Variants in PAK1 observed in about 807,000 individuals in gnomAD.
PAK1 encodes the protein serine/threonine-protein kinase PAK 1.
Under a neutral mutation model 67.4 loss-of-function variants are expected in PAK1, and 29 were observed. The observed-to-expected ratio is 0.43, with a 90% CI of 0.32 to 0.59. PAK1 has a LOEUF of 0.59. Among genes scored for constraint, PAK1 ranks in the 20% least tolerant of loss-of-function variants. The pLI is 0.07. For missense variants in PAK1, 337 were observed against 670.7 expected (o/e 0.50, Z 5.50); for synonymous variants, 223 against 237.4 (o/e 0.94, Z 0.56).
At chr11:77,416,549 C>T (rs1954963283) in intron 1 of PAK1, among the ~76,000 whole-genome samples, 1 of 152,150 alleles carries the variant, frequency 6.6e-6, no homozygotes, top group Admixed American at 6.5e-5. Context: ...GGCTGTTTTA[C>T]AGTTAACTTT....
At chr11:77,489,756 T>C in the PAK1 span, among the ~76,000 whole-genome samples, 1 of 151,684 alleles carries the variant, frequency 6.6e-6, no homozygotes, top group Non-Finnish European at 1.5e-5. Context: ...CAGTGCTCAA[T>C]GGTGCCCAGG....
At chr11:77,430,810 T>C (rs569409839) in intron 1 of PAK1, among the ~76,000 whole-genome samples, 3 of 152,228 alleles carry the variant, frequency 2.0e-5, no homozygotes, top group Admixed American at 1.3e-4. Context: ...AGAAACACAG[T>C]AGGAGCCTAA....
At chr11:77,404,504 T>G (rs1157699550) in intron 1 of PAK1, among the ~76,000 whole-genome samples, 3 of 152,100 alleles carry the variant, frequency 2.0e-5, no homozygotes, top group African/African-American at 7.2e-5. Flanking sequence ...TGACCTCAGG[T>G]GATCCACCCA....
At chr11:77,408,941 C>T (rs1954073337) in intron 1 of PAK1, among the ~76,000 whole-genome samples, 1 of 152,102 alleles carries the variant, frequency 6.6e-6, no homozygotes, top group Non-Finnish European at 1.5e-5. Context: ...GTGATATCAT[C>T]TCACTCCAGT....
chr11:77,477,939 G>A (rs1265066710), upstream of PAK1, among the ~76,000 whole-genome samples: 2 of 152,124 alleles, frequency 1.3e-5, no homozygotes, highest in Non-Finnish European at 2.9e-5. Flanking sequence ...AAACAAGTAA[G>A]ATCATTATTT....
intron 1 of PAK1, among the ~76,000 whole-genome samples, chr11:77,454,013 A>G (rs912845635): frequency 2.0e-5 from 3 of 152,188 alleles, no homozygotes. Flanking sequence ...GCAGTGAACT[A>G]TGATCAGGCC....
intron 1 of PAK1, among the ~76,000 whole-genome samples, chr11:77,399,115 A>T (rs1164761867): frequency 6.6e-6 from 1 of 152,244 alleles, no homozygotes; most frequent in Admixed American, 6.5e-5. Context: ...ACATATAAAA[A>T]TATATAAGGT....
intron 5 of PAK1, among the ~76,000 whole-genome samples, chr11:77,372,126 G>T (rs17135588): frequency 2.6e-5 from 4 of 152,140 alleles, no homozygotes; most frequent in Non-Finnish European, 5.9e-5. Context: ...TTTTAACACC[G>T]TGCATCGCAG....
chr11:77,455,357 C>CA, intron 1 of PAK1, among the ~76,000 whole-genome samples: 1 of 151,810 alleles, frequency 6.6e-6, no homozygotes, highest in East Asian at 1.9e-4. Flanking sequence ...ATTTAGGTTC[C>CA]ACCATTCAGA....
chr11:77,323,889 C>T (rs746174631), intron 14 of PAK1, among the ~76,000 whole-genome samples: 3 of 152,102 alleles, frequency 2.0e-5, no homozygotes, highest in Admixed American at 1.3e-4. Flanking sequence ...TGGTGATAAT[C>T]AGAATAATAA....
In PAK1 at chr11:77,472,063, G is replaced by A. The variant is rs558826576; in HGVS notation, c.-22+1489C>T. Among the ~76,000 whole-genome samples, 4 of 152,278 alleles carry A rather than the reference G, an allele frequency of 2.6e-5. No homozygotes were observed. In the East Asian group the frequency reaches 5.8e-4, roughly 22 times the overall value. ...GTCTACCTCACCCATTAGACTTTGA[G>A]CTCTTTGAAGACAGGGAATATCTTA... On this transcript the variant is annotated intron_variant, in intron 1 of 14. Transcript: ENST00000356341.
intron 1 of PAK1, among the ~76,000 whole-genome samples, chr11:77,455,166 C>T (rs1019728208): frequency 2.0e-5 from 3 of 152,074 alleles, no homozygotes; most frequent in Admixed American, 6.5e-5. Flanking sequence ...TTCTGTTTAC[C>T]GAATTCCAAA....
chr11:77,379,932 T>C lies in PAK1; in HGVS notation c.253A>G (p.Ile85Val). The part of the protein sequence containing the change: ...ISLPSDFEHT[I>V]HVGFDAVTGE... ...GTGACAGCATCAAAACCGACATGAA[T>C]TGTGTGTTCAAAATCTGAAGGGAGA... The change falls in exon 3 of 15, where the codon ATT becomes GTT. Residue 85 changes from isoleucine to valine, a missense_variant. By Grantham distance (29) the Ile-to-Val change is conservative. Coordinates refer to ENST00000356341, the MANE Select transcript of PAK1 (RefSeq NM_002576.5). The C allele has an allele frequency of 1.9e-6, 3 of 1,613,980 alleles. No individual in the cohort carries two copies. The highest frequency in any genetic ancestry group is 2.2e-5 in the South Asian group (2 of 91,082).
chr11:77,445,787 A>C (rs1367110484), intron 1 of PAK1, among the ~76,000 whole-genome samples: 1 of 152,222 alleles, frequency 6.6e-6, no homozygotes, highest in East Asian at 1.9e-4. Flanking sequence ...AAGATCATGT[A>C]GTGCAATCCT....
chr11:77,436,320 A>T (rs1373766172), intron 1 of PAK1, among the ~76,000 whole-genome samples: 1 of 152,240 alleles, frequency 6.6e-6, no homozygotes, highest in African/African-American at 2.4e-5. Flanking sequence ...AAACCAACAG[A>T]TTTGGCTAAG....
intron 12 of PAK1, 34 bp downstream of exon 12, chr11:77,337,290 G>T: frequency 1.8e-6 from 2 of 1,112,730 alleles, no homozygotes; most frequent in Non-Finnish European, 2.7e-6. Flanking sequence ...CCCACAGGCA[G>T]AGAAGTATTA....
chr11:77,341,294 T>A (rs983870666), intron 10 of PAK1, among the ~76,000 whole-genome samples: 5 of 151,580 alleles, frequency 3.3e-5, no homozygotes, highest in Non-Finnish European at 7.4e-5. Context: ...AATAAATCAC[T>A]GAAAAAATAA....
chr11:77,379,948 T>C lies in PAK1; in HGVS notation c.237A>G (p.Ser79=). 6.2e-7 allele frequency: 1 copy of C among 1,614,108 alleles called. No individual in the cohort carries two copies. Among genetic ancestry groups the C allele is most frequent in the Non-Finnish European group, 8.5e-7 (1 of 1,179,954 alleles). The change falls in exon 3 of 15, where the codon TCA becomes TCG. Residue 79 remains serine, a synonymous_variant. Transcript: ENST00000356341. ...CGACATGAATTGTGTGTTCAAAATC[T>C]GAAGGGAGAGAAATCTCTGGCCGCT... is the stretch of plus-strand genomic sequence containing the variant. ...EKERPEISLP[S]DFEHTIHVGF...
chr11:77,504,222 T>A, the PAK1 span, among the ~76,000 whole-genome samples: 4 of 151,622 alleles, frequency 2.6e-5, no homozygotes, highest in South Asian at 8.3e-4. Context: ...ACAACCTTAA[T>A]AAATTATTAG....
Sources: allele counts gnomAD v4.1 joint callset (sites outside exome capture counted in the v4.1 genomes callset), GRCh38; gene constraint gnomAD v4.1.1; transcripts MANE v1.5; gene names NCBI Gene and HGNC (gene_info 2026-07-23, HGNC 2026-07-21).